Variants in GRM7 observed in about 807,000 individuals in gnomAD.
The protein encoded by GRM7 is glutamate metabotropic receptor 7, also known as metabotropic glutamate receptor 7.
GRM7 carries 35 observed loss-of-function variants against 84.5 expected under a neutral mutation model. The observed-to-expected ratio is 0.41, with a 90% CI of 0.32 to 0.55. GRM7 has a LOEUF of 0.55. Ranked by LOEUF, GRM7 falls within the 20% of genes least tolerant of loss-of-function variation. The pLI, the probability that GRM7 is intolerant of heterozygous loss-of-function variation, is 0.19. For missense variants in GRM7, 1,003 were observed against 1,194.6 expected (o/e 0.84, Z 2.36); for synonymous variants, 487 against 455.1 (o/e 1.07, Z -0.89).
intron 8 of GRM7, among the ~76,000 whole-genome samples, chr3:7,615,959 A>AAC (rs1054319591): frequency 6.6e-6 from 1 of 152,042 alleles, no homozygotes; most frequent in Admixed American, 6.6e-5. Context: ...TACATATATA[A>AAC]ACACACACAC....
chr3:7,011,089 G>T (rs1368436596), intron 1 of GRM7, among the ~76,000 whole-genome samples: 5 of 152,086 alleles, frequency 3.3e-5, no homozygotes, highest in African/African-American at 9.7e-5. Context: ...AACATATGAA[G>T]GTTTTGTCCT....
At chr3:7,588,613 A>G (rs967323147) in intron 8 of GRM7, among the ~76,000 whole-genome samples, 2 of 152,180 alleles carry the variant, frequency 1.3e-5, no homozygotes, top group Non-Finnish European at 2.9e-5. Context: ...ACAAATAGTC[A>G]ATAGAGAGAT....
At chr3:6,884,339 T>G (rs772409327) in intron 1 of GRM7, 2 of 152,620 alleles carry the variant, frequency 1.3e-5, no homozygotes. Flanking sequence ...GAGTATTAAG[T>G]AGGTTTGTAT....
At chr3:7,118,819 TGTTTC>T (rs1318755432) in intron 1 of GRM7, among the ~76,000 whole-genome samples, 1 of 152,150 alleles carries the variant, frequency 6.6e-6, no homozygotes, top group African/African-American at 2.4e-5. Flanking sequence ...GGTTTTATTT[TGTTTC>T]GTTTTTTCCA....
At chr3:7,016,346 G>T (rs890329173) in intron 1 of GRM7, among the ~76,000 whole-genome samples, 2 of 152,288 alleles carry the variant, frequency 1.3e-5, no homozygotes, top group African/African-American at 4.8e-5. Flanking sequence ...CACTCAAAGA[G>T]ATAGGAGATC....
chr3:7,652,941 C>T (rs1264580000), intron 8 of GRM7, among the ~76,000 whole-genome samples: 1 of 152,140 alleles, frequency 6.6e-6, no homozygotes, highest in Non-Finnish European at 1.5e-5. Context: ...ACATCAGGCA[C>T]ATCCCTGGTT....
At chr3:7,621,242 C>T (rs1024232940) in intron 8 of GRM7, among the ~76,000 whole-genome samples, 4 of 152,078 alleles carry the variant, frequency 2.6e-5, no homozygotes, top group Non-Finnish European at 5.9e-5. Context: ...GACCAAATCT[C>T]AATTTAGCAA....
chr3:6,878,374 T>G (rs1201378784), intron 1 of GRM7, among the ~76,000 whole-genome samples: 2 of 120,322 alleles, frequency 1.7e-5, no homozygotes, highest in African/African-American at 6.6e-5. Flanking sequence ...TTTTTATGTG[T>G]TTGCGTGTGT....
chr3:7,347,668 A>T (rs1386491890), intron 4 of GRM7, among the ~76,000 whole-genome samples: 2 of 152,170 alleles, frequency 1.3e-5, no homozygotes, highest in Non-Finnish European at 2.9e-5. Flanking sequence ...CCTTTGACCA[A>T]ATGTAAGGCA....
intron 7 of GRM7, among the ~76,000 whole-genome samples, chr3:7,553,370 C>G (rs1693586417): frequency 6.6e-6 from 1 of 152,184 alleles, no homozygotes; most frequent in Non-Finnish European, 1.5e-5. Flanking sequence ...CTGAGCCCTC[C>G]AAACTGTTCC....
intron 1 of GRM7, among the ~76,000 whole-genome samples, chr3:7,097,229 A>T (rs566780619): frequency 6.6e-6 from 1 of 152,180 alleles, no homozygotes; most frequent in East Asian, 1.9e-4. Flanking sequence ...TTAAATTGAT[A>T]ATCTAGGTGA....
intron 7 of GRM7, among the ~76,000 whole-genome samples, chr3:7,553,781 C>T (rs529520115): frequency 5.3e-5 from 8 of 152,252 alleles, no homozygotes; most frequent in South Asian, 2.1e-4. Context: ...TCCCTTGACA[C>T]GTGAGGATTA....
intron 1 of GRM7, among the ~76,000 whole-genome samples, chr3:6,880,366 A>C (rs1695464392): frequency 6.6e-6 from 1 of 152,308 alleles, no homozygotes; most frequent in Non-Finnish European, 1.5e-5. Context: ...TCTTTGAAAA[A>C]TGTTCAAGGT....
chr3:7,185,699 C>A (rs1019079996), intron 2 of GRM7, among the ~76,000 whole-genome samples: 1 of 152,188 alleles, frequency 6.6e-6, no homozygotes, highest in Non-Finnish European at 1.5e-5. Flanking sequence ...ATGCTTGGGC[C>A]TCCCATCCTG....
chr3:7,567,090 T>A (rs540233078), intron 7 of GRM7, among the ~76,000 whole-genome samples: 20 of 152,222 alleles, frequency 1.3e-4, no homozygotes, highest in Non-Finnish European at 2.5e-4. Context: ...CTTGGTTGTT[T>A]GGGGTGGGGA....
chr3:7,072,551 G>GT (rs1262168492), intron 1 of GRM7, among the ~76,000 whole-genome samples: 1 of 151,936 alleles, frequency 6.6e-6, no homozygotes, highest in Non-Finnish European at 1.5e-5. Flanking sequence ...ACTGGGTGTG[G>GT]TGGTGCATAC....
chr3:7,175,616 C>A (rs960641212), intron 2 of GRM7, among the ~76,000 whole-genome samples: 1 of 152,086 alleles, frequency 6.6e-6, no homozygotes, highest in African/African-American at 2.4e-5. Context: ...CGGCTCACTG[C>A]AACCTCTGCC....
intron 4 of GRM7, among the ~76,000 whole-genome samples, chr3:7,339,900 G>T (rs1281049170): frequency 6.6e-6 from 1 of 151,934 alleles, no homozygotes; most frequent in Non-Finnish European, 1.5e-5. Context: ...AGCAGAAGAA[G>T]AAAAATACAA....
chr3:7,692,874 C>A (rs1448184784), intron 9 of GRM7, among the ~76,000 whole-genome samples: 4 of 152,048 alleles, frequency 2.6e-5, no homozygotes, highest in Non-Finnish European at 5.9e-5. Context: ...ATTCTAGAGG[C>A]CCTCAGTTTG....
Sources: allele counts gnomAD v4.1 joint callset (sites outside exome capture counted in the v4.1 genomes callset), GRCh38; gene constraint gnomAD v4.1.1; transcripts MANE v1.5; gene names NCBI Gene and HGNC (gene_info 2026-07-23, HGNC 2026-07-21).